Variants in EPB41L4A observed in about 807,000 individuals in gnomAD.
EPB41L4A encodes the protein erythrocyte membrane protein band 4.1 like 4A, also known as band 4.1-like protein 4A.
A neutral mutation model predicts 108.6 loss-of-function variants in EPB41L4A; 100 were observed. The ratio of observed to expected loss-of-function variants is 0.92; its 90% CI spans 0.78 to 1.09. The LOEUF is 1.09. Among genes scored for constraint, EPB41L4A ranks in the 50% least tolerant of loss-of-function variants. The probability of loss-of-function intolerance (pLI) is 0.00; values close to 1 mark genes in which losing one functional copy is unlikely to be tolerated. For synonymous variants in EPB41L4A, 319 were observed against 289.0 expected (o/e 1.10, Z -1.05); for missense variants, 1,030 against 842.7 (o/e 1.22, Z -2.75).
intron 17 of EPB41L4A, among the ~76,000 whole-genome samples, chr5:112,191,671 T>C (rs1255949636): frequency 2.0e-5 from 3 of 147,494 alleles, no homozygotes; most frequent in Non-Finnish European, 4.5e-5. Context: ...ACCTCATTTA[T>C]GTTTAAAAAA....
intron 12 of EPB41L4A, among the ~76,000 whole-genome samples, chr5:112,211,951 C>A (rs1456076417): frequency 2.0e-5 from 3 of 152,166 alleles, no homozygotes; most frequent in Admixed American, 2.0e-4. Context: ...GAGCCACTAC[C>A]AATAACTGAG....
At chr5:112,171,171 G>A (rs531001692) in intron 18 of EPB41L4A, among the ~76,000 whole-genome samples, 179 bp from the exon 19 acceptor site, 49 of 152,268 alleles carry the variant, frequency 3.2e-4, no homozygotes, top group Non-Finnish European at 4.6e-4. Flanking sequence ...CAGCTAAATT[G>A]CTGCTACTGC....
chr5:112,391,052 A>T (rs1310811281), intron 1 of EPB41L4A, among the ~76,000 whole-genome samples: 2 of 152,218 alleles, frequency 1.3e-5, no homozygotes, highest in Admixed American at 6.5e-5. Context: ...CATCCACACC[A>T]AAGCCCCAGC....
chr5:112,307,333 G>C, intron 2 of EPB41L4A, 53 bp downstream of exon 2: 3 of 1,194,558 alleles, frequency 2.5e-6, no homozygotes, highest in Non-Finnish European at 3.7e-6. Context: ...AAAAGCCAGA[G>C]ATAGAGTGAA....
intron 12 of EPB41L4A, among the ~76,000 whole-genome samples, chr5:112,216,401 G>A (rs536894662): frequency 6.6e-6 from 1 of 152,304 alleles, no homozygotes; most frequent in South Asian, 2.1e-4. Flanking sequence ...GAGTGAGGGT[G>A]AAGGCTGAAT....
intron 12 of EPB41L4A, among the ~76,000 whole-genome samples, chr5:112,153,460 C>T (rs1759541744): frequency 6.8e-6 from 1 of 148,088 alleles, no homozygotes; most frequent in South Asian, 2.1e-4. Flanking sequence ...ACCTGGGAGG[C>T]GGAGGTTGCA....
At chr5:112,403,968 G>T (rs979779894) in intron 1 of EPB41L4A, among the ~76,000 whole-genome samples, 3 of 151,996 alleles carry the variant, frequency 2.0e-5, no homozygotes, top group Admixed American at 2.0e-4. Context: ...GGAGGAAGAA[G>T]AAAAAAAGAG....
chr5:112,273,039 A>C (rs569368502), intron 4 of EPB41L4A, among the ~76,000 whole-genome samples: 1 of 152,300 alleles, frequency 6.6e-6, no homozygotes, highest in South Asian at 2.1e-4. Context: ...TAAATAGCAT[A>C]TATCTGGAGA....
At chr5:112,171,032 C>G (rs577155057) in intron 18 of EPB41L4A, 40 bp from the exon 19 acceptor site, 3 of 1,539,774 alleles carry the variant, frequency 1.9e-6, no homozygotes, top group Admixed American at 3.4e-5. Context: ...TGCAAACATG[C>G]TTCATCTCAC....
intron 18 of EPB41L4A, among the ~76,000 whole-genome samples, chr5:112,176,816 G>A (rs1051600747): frequency 9.5e-5 from 12 of 125,876 alleles, no homozygotes; most frequent in Non-Finnish European, 1.7e-4. Flanking sequence ...GTGCAATGGC[G>A]CCATCTCGGC....
intron 1 of EPB41L4A, among the ~76,000 whole-genome samples, chr5:112,361,327 C>A (rs1176374083): frequency 6.6e-6 from 1 of 152,014 alleles, no homozygotes; most frequent in Non-Finnish European, 1.5e-5. Context: ...GCAGCATGCT[C>A]GTTAAGAGTC....
chr5:112,165,054 G>T lies in EPB41L4A; in HGVS notation c.1997C>A (p.Ala666Asp). 1 of 1,613,886 alleles carries T rather than the reference G, an allele frequency of 6.2e-7. No homozygotes were observed. The highest frequency in any genetic ancestry group is 8.5e-7 in the Non-Finnish European group (1 of 1,179,864). The change falls in exon 23 of 23, where the codon GCT (alanine) becomes GAT (aspartate). Residue 666 changes from alanine (A) to aspartate (D), a missense_variant. By Grantham distance (126) the Ala-to-Asp change is moderately radical (BLOSUM62 -2). Transcript: ENST00000261486. ...EKPQTSTNNL[A>D]GKHTAKTIKT... ...TATTGTTTTTGCTGTGTGTTTTCCA[G>T]CCAGGTTGTTTGTAGATGTCTGAGG...
chr5:112,358,579 C>T (rs1483916791), intron 1 of EPB41L4A, among the ~76,000 whole-genome samples: 1 of 152,156 alleles, frequency 6.6e-6, no homozygotes, highest in Non-Finnish European at 1.5e-5. Flanking sequence ...GGATGCAGAG[C>T]AACTAGAATT....
At chr5:112,296,333 C>T (rs1380033363) in intron 2 of EPB41L4A, among the ~76,000 whole-genome samples, 1 of 151,898 alleles carries the variant, frequency 6.6e-6, no homozygotes, top group Non-Finnish European at 1.5e-5. Flanking sequence ...TAAGTGTTGA[C>T]AAAGCATTTT....
chr5:112,210,861 C>A (rs1448470139), intron 12 of EPB41L4A, among the ~76,000 whole-genome samples: 1 of 151,830 alleles, frequency 6.6e-6, no homozygotes, highest in Non-Finnish European at 1.5e-5. Context: ...GGTCTATGTG[C>A]CATACAGGTG....
chr5:112,273,746 G>A (rs1368988224), intron 4 of EPB41L4A, among the ~76,000 whole-genome samples: 3 of 152,060 alleles, frequency 2.0e-5, no homozygotes, highest in African/African-American at 7.2e-5. Context: ...TTTAAAAAAT[G>A]CTGTCCCCTT....
intron 1 of EPB41L4A, among the ~76,000 whole-genome samples, chr5:112,330,317 G>A (rs1756481029): frequency 6.6e-6 from 1 of 152,024 alleles, no homozygotes; most frequent in South Asian, 2.1e-4. Flanking sequence ...TAAAATGCTA[G>A]CCTAACCTGT....
exon 14 of EPB41L4A, chr5:112,143,074 T>C (rs1212503240): frequency 7.9e-5 from 12 of 152,140 alleles, no homozygotes; most frequent in Admixed American, 6.6e-5. Context: ...TCTACACCTA[T>C]GAATGAGGCC....
At chr5:112,184,328 A>T (rs1356032950) in intron 17 of EPB41L4A, among the ~76,000 whole-genome samples, 193 bp from the exon 18 acceptor site, 1 of 152,252 alleles carries the variant, frequency 6.6e-6, no homozygotes, top group Non-Finnish European at 1.5e-5. Flanking sequence ...GAAGTAAATA[A>T]TACTCATGAT....
Sources: gnomAD v4.1 joint callset for allele counts (sites outside exome capture counted in the v4.1 genomes callset) on GRCh38, gnomAD v4.1.1 for gene constraint, MANE v1.5 for transcripts, NCBI Gene and HGNC (gene_info 2026-07-23, HGNC 2026-07-21) for gene names.